The following LPP variants were observed in gnomAD, a reference collection of about 807,000 sequenced individuals.
LPP encodes lipoma-preferred partner.
LPP carries 38 observed loss-of-function variants against 60.4 expected under a neutral mutation model. The ratio of observed to expected loss-of-function variants is 0.63; its 90% confidence interval spans 0.49 to 0.83. The LOEUF (loss-of-function observed/expected upper bound fraction) is 0.83. Among genes scored for constraint, LPP ranks in the 40% least tolerant of loss-of-function variants. The pLI, the probability that LPP is intolerant of heterozygous loss-of-function variation, is 0.00. For missense variants in LPP, 902 were observed against 783.6 expected, an observed-to-expected ratio of 1.15 and a Z score of -1.80; for synonymous variants, 328 against 290.8, an observed-to-expected ratio of 1.13 and a Z score of -1.30.
At chr3:188,294,616 T>C (rs147815000) in intron 2 of LPP, among the ~76,000 whole-genome samples, 107 of 152,362 alleles carry the variant, frequency 7.0e-4, no homozygotes, top group Non-Finnish European at 1.3e-3. Flanking sequence ...TTCTCAAATG[T>C]TGATTAATGA....
chr3:188,885,409 T>C lies in LPP; in HGVS notation c.*10930T>C. 1 of 192,072 alleles carries C rather than the reference T, an allele frequency of 5.2e-6. No homozygotes were observed. The highest frequency in any genetic ancestry group is 8.2e-5 in the East Asian group (1 of 12,162). The allele number at this position is 192,072 out of a possible 1,614,324, so 11.9% of individuals were successfully genotyped here. A position where few individuals can be genotyped will look rare whatever the true frequency, so the allele number is the denominator to read the frequency against. Reference sequence around the variant, plus strand: ...CTCACCCCTTCCTAGTCCTCATGCCTGAGGAATAAGGGCGACATTAATGGG... The same window carrying C: ...CTCACCCCTTCCTAGTCCTCATGCCCGAGGAATAAGGGCGACATTAATGGG... On this transcript the variant is annotated 3_prime_UTR_variant, in exon 12 of 12. Coordinates refer to ENST00000617246, the MANE Select transcript of LPP (RefSeq NM_001375462.1).
chr3:188,872,092 A>G (rs185883299), intron 10 of LPP, among the ~76,000 whole-genome samples: 12 of 152,310 alleles, frequency 7.9e-5, no homozygotes, highest in African/African-American at 2.4e-4. Flanking sequence ...TGTGTAATGT[A>G]TATTTAAACG....
At chr3:188,200,819 C>T (rs1276474155) in intron 1 of LPP, among the ~76,000 whole-genome samples, 2 of 152,088 alleles carry the variant, frequency 1.3e-5, no homozygotes, top group African/African-American at 2.4e-5. Flanking sequence ...ATATCTACCC[C>T]CAACTTATCC....
At chr3:188,361,727 CA>C (rs1291692248) in intron 3 of LPP, among the ~76,000 whole-genome samples, 9 of 151,958 alleles carry the variant, frequency 5.9e-5, no homozygotes, top group Admixed American at 3.3e-4. Flanking sequence ...GCCACCACAC[CA>C]GGATAATTTT....
intron 5 of LPP, among the ~76,000 whole-genome samples, chr3:188,516,894 A>G (rs2162260): frequency 0.31 from 46,678 of 151,892 alleles, 8,257 homozygotes; most frequent in East Asian, 0.67. Context: ...ACACTGATCT[A>G]GGATTGTGTT....
chr3:188,292,726 T>C lies in LPP; in HGVS notation c.-66-48937T>C, dbSNP rs563325562. ...TCTTTTATTTACACTACATGGTTTCTTAGGTGGCAATTCTCAGTGAATTAC... is the reference window on the plus strand; with the variant it reads ...TCTTTTATTTACACTACATGGTTTCCTAGGTGGCAATTCTCAGTGAATTAC... On this transcript the variant is annotated intron_variant, in intron 2 of 11. Transcript: ENST00000617246. Among the ~76,000 whole-genome samples, 8 of 152,340 alleles carry C rather than the reference T, an allele frequency of 5.3e-5. No individual in the cohort carries two copies. In the East Asian group the frequency reaches 1.5e-3, roughly 29 times the overall value.
chr3:188,288,390 C>A (rs1744707866), intron 2 of LPP, among the ~76,000 whole-genome samples: 1 of 152,150 alleles, frequency 6.6e-6, no homozygotes, highest in Non-Finnish European at 1.5e-5. Flanking sequence ...TCACACCAGT[C>A]CCGTGAGGTC....
intron 8 of LPP, among the ~76,000 whole-genome samples, chr3:188,737,890 T>C (rs1443185664): frequency 6.6e-6 from 1 of 152,168 alleles, no homozygotes. Context: ...TAAGCAGCCT[T>C]TCCTTTCTCC....
intron 8 of LPP, chr3:188,711,799 A>G (rs1711606129): frequency 6.6e-6 from 1 of 152,170 alleles, no homozygotes; most frequent in Non-Finnish European, 1.5e-5. Context: ...ATCAATGTTC[A>G]CCAAGTGTTC....
At chr3:188,815,160 C>G (rs1384143475) in intron 9 of LPP, among the ~76,000 whole-genome samples, 1 of 152,184 alleles carries the variant, frequency 6.6e-6, no homozygotes, top group Non-Finnish European at 1.5e-5. Context: ...GCCCCTAACA[C>G]TTCACTGTAG....
At chr3:188,238,912 A>G (rs1035063870) in intron 2 of LPP, among the ~76,000 whole-genome samples, 2 of 152,254 alleles carry the variant, frequency 1.3e-5, no homozygotes, top group Non-Finnish European at 2.9e-5. Context: ...AGTATTTGCC[A>G]ACTACAATAA....
At chr3:188,677,515 G>A (rs982168286) in intron 7 of LPP, among the ~76,000 whole-genome samples, 1 of 152,148 alleles carries the variant, frequency 6.6e-6, no homozygotes, top group African/African-American at 2.4e-5. Context: ...AACTGATAGA[G>A]AAATACTTGT....
intron 4 of LPP, among the ~76,000 whole-genome samples, chr3:188,479,830 C>T (rs1037213214): frequency 9.2e-5 from 14 of 152,208 alleles, no homozygotes; most frequent in Non-Finnish European, 1.9e-4. Context: ...TTTTGTACCA[C>T]AGTAAATGAA....
intron 4 of LPP, among the ~76,000 whole-genome samples, chr3:188,408,408 ATG>A (rs1392523878): frequency 2.0e-5 from 3 of 152,078 alleles, no homozygotes. Flanking sequence ...TCCTTGTACT[ATG>A]TGTGGTTCAC....
At chr3:188,666,653 TC>T (rs1855861525) in intron 7 of LPP, among the ~76,000 whole-genome samples, 1 of 152,360 alleles carries the variant, frequency 6.6e-6, no homozygotes, top group Non-Finnish European at 1.5e-5. Flanking sequence ...CATGGAGCCA[TC>T]ATTTATTCAA....
intron 1 of LPP, among the ~76,000 whole-genome samples, chr3:188,178,346 T>G (rs1390555049): frequency 6.6e-6 from 1 of 152,176 alleles, no homozygotes; most frequent in Admixed American, 6.5e-5. Flanking sequence ...GAGACCCAGG[T>G]AGGGTGATTG....
chr3:188,279,991 G>A (rs1291373764), intron 2 of LPP, among the ~76,000 whole-genome samples: 1 of 152,162 alleles, frequency 6.6e-6, no homozygotes, highest in Non-Finnish European at 1.5e-5. Flanking sequence ...CCTTCACCCT[G>A]TGTTGTTCTC....
intron 1 of LPP, among the ~76,000 whole-genome samples, chr3:188,161,074 T>G (rs1469330451): frequency 1.3e-5 from 2 of 152,162 alleles, no homozygotes; most frequent in Non-Finnish European, 2.9e-5. Context: ...TGTTTGGAGA[T>G]CACTGTGGGA....
intron 9 of LPP, among the ~76,000 whole-genome samples, chr3:188,843,797 A>G (rs1251147342): frequency 6.7e-6 from 1 of 149,212 alleles, no homozygotes; most frequent in African/African-American, 2.5e-5. Flanking sequence ...AAAAAAAAAA[A>G]ATCCTTCCTC....
Sources: allele counts gnomAD v4.1 joint callset (sites outside exome capture counted in the v4.1 genomes callset), GRCh38; gene constraint gnomAD v4.1.1; transcripts MANE v1.5; gene names NCBI Gene and HGNC (gene_info 2026-07-23, HGNC 2026-07-21).